The following ZNF784 variants were observed in gnomAD, a reference collection of about 807,000 sequenced individuals.
ZNF784 encodes zinc finger protein 784.
ZNF784 carries 5 observed loss-of-function variants against 3.3 expected under a neutral mutation model. The ratio of observed to expected loss-of-function variants is 1.53; its 90% CI spans 0.80 to 3.22. The LOEUF (loss-of-function observed/expected upper bound fraction) is 3.22, where lower values mean the gene tolerates loss of function less well. ZNF784 is among the 30% of genes most tolerant of loss of function. ZNF784 has a pLI of 0.00. For synonymous variants in ZNF784, 231 were observed against 219.6 expected (o/e 1.05, Z -0.46); for missense variants, 501 against 480.7 (o/e 1.04, Z -0.39).
rs1232861320 is a variant in ZNF784, at chr19:55,622,035, C to G, written c.688G>C (p.Gly230Arg). The G allele has an allele frequency of 1.3e-6, 2 of 1,592,142 alleles. No individual in the cohort carries two copies. The highest frequency in any genetic ancestry group is 1.1e-5 in the South Asian group (1 of 89,836). ...ACCGAGGACTGGGTGAAGCCCTTGC[C>G]GCAGATGCCGCAATGGTATGGCCGC... ...GERPYHCGIC[G>R]KGFTQSSVLS... The change falls in exon 2 of 2, where the codon GGC becomes CGC. Residue 230 changes from glycine to arginine, a missense_variant. By Grantham distance (125) the Gly-to-Arg change is moderately radical. Transcript: ENST00000325351. This position sits in a 1 kb window ranked among gnomAD's most constrained non-coding sequence, Gnocchi z 5.9.
rs757463501 is a variant in ZNF784 at position 55,622,183 on chromosome 19, C to A, written c.540G>T (p.Glu180Asp). The part of the protein sequence containing the change: ...QRPGVAPERA[E>D]VVMAAAAAGA... The stretch of plus-strand genomic sequence containing the variant: ...CCGCCGCCGCCGCCGCCATCACCAC[C>A]TCCGCCCTCTCCGGGGCCACCCCGG... Residue 180 changes from glutamate (E) to aspartate (D), a missense_variant, in exon 2 of 2, where the codon GAG becomes GAT. By Grantham distance (45) the Glu-to-Asp change is conservative. Coordinates refer to ENST00000325351, the MANE Select transcript of ZNF784 (RefSeq NM_203374.2). This position sits in a 1 kb window ranked among gnomAD's most constrained non-coding sequence, Gnocchi z 5.9. 16 of 1,533,732 alleles carry A rather than the reference C, an allele frequency of 1.0e-5. No homozygotes were observed. The East Asian group carries it at 3.9e-4, about 38-fold the overall frequency.
chr19:55,622,405 G>C lies in ZNF784; in HGVS notation c.318C>G (p.Cys106Trp). Residue 106 changes from cysteine (C) to tryptophan (W), a missense_variant, in exon 2 of 2, where the codon TGC becomes TGG. Cys to Trp is a radical substitution (Grantham distance 215, BLOSUM62 -2). Transcript: ENST00000325351. This position sits in a 1 kb window ranked among gnomAD's most constrained non-coding sequence, Gnocchi z 5.9. ...TGGCGGGGCCCGGGCAGCTGTGGCC[G>C]CACACGTGGCACCGGCTCGGGTCCC... The part of the protein sequence containing the change: ...QGGDPSRCHV[C>W]GHSCPGPASL... The C allele has an allele frequency of 6.4e-6, 10 of 1,569,546 alleles. No individual in the cohort carries two copies. Among genetic ancestry groups the C allele is most frequent in the Non-Finnish European group, 8.6e-6 (10 of 1,159,180 alleles).
In ZNF784 at chr19:55,622,379, C is replaced by G. The variant is rs1453093643; in HGVS notation, c.344G>C (p.Ser115Thr). 3.2e-6 allele frequency: 5 copies of G among 1,544,476 alleles called. No homozygotes were observed. Among genetic ancestry groups the G allele is most frequent in the Non-Finnish European group, 4.4e-6 (5 of 1,147,668 alleles). The change falls in exon 2 of 2, where the codon AGC becomes ACC. Residue 115 changes from serine to threonine, a missense_variant. Transcript: ENST00000325351. This position sits in a 1 kb window ranked among gnomAD's most constrained non-coding sequence, Gnocchi z 5.9. ...VCGHSCPGPA[S>T]LRAHYSLHTG... ...GTGCAAGCTGTAGTGCGCGCGCAGG[C>G]TGGCGGGGCCCGGGCAGCTGTGGCC...
At position 55,622,045 on chromosome 19, in the gene ZNF784, G is replaced by A. The variant is rs377036491; in HGVS notation, c.678C>T (p.Cys226=). ...RVHTGERPYH[C]GICGKGFTQS... is the part of the protein sequence containing the mutation. The stretch of plus-strand genomic sequence containing the variant: ...GGGTGAAGCCCTTGCCGCAGATGCC[G>A]CAATGGTATGGCCGCTCGCCAGTGT... The change falls in exon 2 of 2, where the codon TGC becomes TGT. Residue 226 remains cysteine, a synonymous_variant. Transcript: ENST00000325351. The surrounding 1 kb of genome is among the most constrained non-coding windows in gnomAD (Gnocchi z 5.9). 136 of 1,591,274 alleles carry A rather than the reference G, an allele frequency of 8.5e-5. No homozygotes were observed. Among genetic ancestry groups the A allele is most frequent in the South Asian group, 2.2e-4 (20 of 89,674 alleles).
In ZNF784 at chr19:55,621,589, C is replaced by T; in HGVS notation, c.*162G>A. 1.0e-6 allele frequency: 1 copy of T among 977,934 alleles called. No individual in the cohort carries two copies. The highest frequency in any genetic ancestry group is 1.6e-5 in the South Asian group (1 of 61,772). The allele number at this position is 977,934 out of a possible 1,614,324, so 60.6% of individuals were successfully genotyped here. On this transcript the variant is annotated 3_prime_UTR_variant, in exon 2 of 2. Coordinates refer to ENST00000325351, the MANE Select transcript of ZNF784 (RefSeq NM_203374.2). This position sits in a 1 kb window ranked among gnomAD's most constrained non-coding sequence, Gnocchi z 4.1. ...TGGGAGTCTGGAGCCTGGCCCTCTC[C>T]CTCTGCTCTCCATCACTAGCGGCTC...
intron 1 of ZNF784, among the ~76,000 whole-genome samples, chr19:55,624,150 C>G (rs1981660783): frequency 6.6e-6 from 1 of 152,104 alleles, no homozygotes; most frequent in Admixed American, 6.5e-5. Flanking sequence ...AGGCCCCGCC[C>G]CTTACAAGGC....
chr19:55,623,215 A>G (rs1468465285), intron 1 of ZNF784, among the ~76,000 whole-genome samples: 1 of 152,054 alleles, frequency 6.6e-6, no homozygotes, highest in Non-Finnish European at 1.5e-5. Context: ...ATTATTTTTA[A>G]TGTAGAGGGA....
chr19:55,622,248 G>A lies in ZNF784; in HGVS notation c.475C>T (p.Arg159Trp), dbSNP rs1291244149. Reference protein sequence around the residue: ...HRHGVEPGTSRRPPDTAAVAE... With the variant: ...HRHGVEPGTSWRPPDTAAVAE... ...ACGGCCGCTGTGTCCGGAGGCCTCC[G>A]AGAGGTGCCCGGCTCCACCCCGTGC... The change falls in exon 2 of 2, where the codon CGG (arginine) becomes TGG (tryptophan). Residue 159 changes from arginine to tryptophan, a missense_variant. Coordinates refer to ENST00000325351, the MANE Select transcript of ZNF784 (RefSeq NM_203374.2). This position sits in a 1 kb window ranked among gnomAD's most constrained non-coding sequence, Gnocchi z 5.9. 1 of 1,536,302 alleles carries A rather than the reference G, an allele frequency of 6.5e-7. No homozygotes were observed. The highest frequency in any genetic ancestry group is 1.4e-5 in the African/African-American group (1 of 73,108).
At position 55,622,751 on chromosome 19, in the gene ZNF784, C is replaced by A; in HGVS notation, c.79-107G>T. 2 of 1,081,814 alleles carry A rather than the reference C, an allele frequency of 1.8e-6. No homozygotes were observed. The highest frequency in any genetic ancestry group is 1.6e-5 in the African/African-American group (1 of 61,734). 67.0% of individuals were successfully genotyped at this position (1,081,814 alleles called of 1,614,324 possible). The stretch of plus-strand genomic sequence containing the variant: ...CTCCTCTGTTATTTTCAGACAGGGC[C>A]TCACTCTGTTGCCCTGGCGCGATCG... On this transcript the variant is annotated intron_variant, in intron 1 of 1. Transcript: ENST00000325351. The surrounding 1 kb of genome is among the most constrained non-coding windows in gnomAD (Gnocchi z 5.9).
intron 1 of ZNF784, 64 bp downstream of exon 1, chr19:55,624,420 G>GC (rs886159486): frequency 1.3e-5 from 5 of 384,798 alleles, no homozygotes; most frequent in African/African-American, 2.6e-5. Context: ...CCCCGGACCC[G>GC]CCCCCCACAC....
In ZNF784 at chr19:55,621,685, C is replaced by T. The variant is rs911154017; in HGVS notation, c.*66G>A. 3 of 1,558,470 alleles carry T rather than the reference C, an allele frequency of 1.9e-6. No individual in the cohort carries two copies. In the Admixed American group the frequency reaches 5.2e-5, roughly 27 times the overall value. On this transcript the variant is annotated 3_prime_UTR_variant, in exon 2 of 2. Coordinates refer to ENST00000325351, the MANE Select transcript of ZNF784 (RefSeq NM_203374.2). This position sits in a 1 kb window ranked among gnomAD's most constrained non-coding sequence, Gnocchi z 4.1. ...CTGTCCCCTGCCTCCGTTTCCCCAC[C>T]CCGTCCCCCTCCCCGGGTCGGCCTC...
Position 55,622,601 on chromosome 19 carries a change from T to G in ZNF784, c.122A>C (p.Asp41Ala). 1 of 1,594,318 alleles carries G rather than the reference T, an allele frequency of 6.3e-7. No homozygotes were observed. The highest frequency in any genetic ancestry group is 8.5e-7 in the Non-Finnish European group (1 of 1,170,044). Residue 41 changes from aspartate to alanine, a missense_variant, in exon 2 of 2, where the codon GAC becomes GCC. By Grantham distance (126) the Asp-to-Ala change is moderately radical. Transcript: ENST00000325351. The surrounding 1 kb of genome is among the most constrained non-coding windows in gnomAD (Gnocchi z 5.9). ...DDCRPGTPPSDLIEIQVVKVT... is the reference protein window; with the variant it reads ...DDCRPGTPPSALIEIQVVKVT... ...CTTCACCACCTGGATCTCGATGAGGTCACTCGGGGGTGTGCCAGGCCGGCA... is the reference window on the plus strand; with the variant it reads ...CTTCACCACCTGGATCTCGATGAGGGCACTCGGGGGTGTGCCAGGCCGGCA...
At chr19:55,623,429 C>A (rs1981638391) in intron 1 of ZNF784, among the ~76,000 whole-genome samples, 1 of 152,196 alleles carries the variant, frequency 6.6e-6, no homozygotes, top group East Asian at 1.9e-4. Flanking sequence ...CTAGTTAAAG[C>A]CCCATCACTT....
At position 55,621,735 on chromosome 19, in the gene ZNF784, G is replaced by A. The variant is rs929657211; in HGVS notation, c.*16C>T. On this transcript the variant is annotated 3_prime_UTR_variant, in exon 2 of 2. Coordinates refer to ENST00000325351, the MANE Select transcript of ZNF784 (RefSeq NM_203374.2). The surrounding 1 kb of genome is among the most constrained non-coding windows in gnomAD (Gnocchi z 4.1). ...CGTACCTCCGCCTTAACTAACCCAT[G>A]TCCCTGGTCTGCAGCCTACTGGTCG... 2.5e-6 allele frequency: 4 copies of A among 1,594,136 alleles called. No individual in the cohort carries two copies. Among genetic ancestry groups the A allele is most frequent in the Non-Finnish European group, 3.4e-6 (4 of 1,179,102 alleles).
chr19:55,621,553 G>A lies in ZNF784; in HGVS notation c.*198C>T. 1.4e-6 allele frequency: 1 copy of A among 713,692 alleles called. No homozygotes were observed. Among genetic ancestry groups the A allele is most frequent in the Non-Finnish European group, 2.3e-6 (1 of 438,226 alleles). The allele number at this position is 713,692 out of a possible 1,614,324, so 44.2% of individuals were successfully genotyped here. A position where few individuals can be genotyped will look rare whatever the true frequency, so the allele number is the denominator to read the frequency against. The stretch of plus-strand genomic sequence containing the variant: ...CTCTCCTAGGCCTGGCAGAGGTGCT[G>A]TGTGGGCGTGTGGGAGTCTGGAGCC... On this transcript the variant is annotated 3_prime_UTR_variant, in exon 2 of 2. Transcript: ENST00000325351. The surrounding 1 kb of genome is among the most constrained non-coding windows in gnomAD (Gnocchi z 4.1).
chr19:55,621,906 TG>T lies in ZNF784; in HGVS notation c.816del (p.Thr273ProfsTer31). ...CCCGGCCCCGGCCCGTGGAAGTGGG[TG>T]CGCTGGTGCTTGCGGAAGTTGGAGG... The part of the protein sequence containing the change: ...NNSSNFRKHQ[R>X]THFHGPGPGL... On this transcript the variant is annotated frameshift_variant, in exon 2 of 2. Coordinates refer to ENST00000325351, the MANE Select transcript of ZNF784 (RefSeq NM_203374.2). LOFTEE classifies it low-confidence loss of function (END_TRUNC). The surrounding 1 kb of genome is among the most constrained non-coding windows in gnomAD (Gnocchi z 4.1). 1 of 1,592,290 alleles carries T rather than the reference TG, an allele frequency of 6.3e-7. No individual in the cohort carries two copies. The highest frequency in any genetic ancestry group is 8.5e-7 in the Non-Finnish European group (1 of 1,175,808).
chr19:55,622,525 G>C lies in ZNF784; in HGVS notation c.198C>G (p.His66Gln). Reference protein sequence around the residue: ...VPEPPEPGSFHCALCPAAFRL... With the variant: ...VPEPPEPGSFQCALCPAAFRL... ...GGAAGGCAGCAGGGCACAAGGCACA[G>C]TGGAAAGAACCTGGCTCCGGGGGCT... The change falls in exon 2 of 2, where the codon CAC becomes CAG. Residue 66 changes from histidine (H) to glutamine (Q), a missense_variant. Physicochemically the swap from His to Gln is conservative, Grantham distance 24. Transcript: ENST00000325351. This position sits in a 1 kb window ranked among gnomAD's most constrained non-coding sequence, Gnocchi z 5.9. The C allele has an allele frequency of 6.2e-7, 1 of 1,612,608 alleles. No individual in the cohort carries two copies. Among genetic ancestry groups the C allele is most frequent in the South Asian group, 1.1e-5 (1 of 90,890 alleles).
Position 55,622,369 on chromosome 19 carries a change from C to A in ZNF784, c.354G>T (p.Ala118=), listed in dbSNP as rs757584830. 5 of 1,532,770 alleles carry A rather than the reference C, an allele frequency of 3.3e-6. No homozygotes were observed. The East Asian group carries it at 9.5e-5, about 29-fold the overall frequency. 94.9% of individuals were successfully genotyped at this position (1,532,770 alleles called of 1,614,324 possible). A position where few individuals can be genotyped will look rare whatever the true frequency, so the allele number is the denominator to read the frequency against. The part of the protein sequence containing the change: ...HSCPGPASLR[A]HYSLHTGERP... ...GCTCCCCCGTGTGCAAGCTGTAGTG[C>A]GCGCGCAGGCTGGCGGGGCCCGGGC... is the stretch of plus-strand genomic sequence containing the variant. Residue 118 remains alanine, a synonymous_variant, in exon 2 of 2, where the codon GCG becomes GCT. Transcript: ENST00000325351. This position sits in a 1 kb window ranked among gnomAD's most constrained non-coding sequence, Gnocchi z 5.9.
Position 55,622,156 on chromosome 19 carries a change from G to A in ZNF784, c.567C>T (p.Gly189=). The change falls in exon 2 of 2, where the codon GGC becomes GGT. Residue 189 remains glycine (G), a synonymous_variant. Coordinates refer to ENST00000325351, the MANE Select transcript of ZNF784 (RefSeq NM_203374.2). The surrounding 1 kb of genome is among the most constrained non-coding windows in gnomAD (Gnocchi z 5.9). ...AEVVMAAAAA[G]AAVGKPFACR... The stretch of plus-strand genomic sequence containing the variant: ...AGGCAAAAGGCTTCCCCACCGCTGC[G>A]CCCGCCGCCGCCGCCGCCATCACCA... The A allele has an allele frequency of 6.5e-7, 1 of 1,533,484 alleles. No individual in the cohort carries two copies. The allele number at this position is 1,533,484 out of a possible 1,614,324, so 95.0% of individuals were successfully genotyped here.
Sources: allele counts gnomAD v4.1 joint callset (sites outside exome capture counted in the v4.1 genomes callset), GRCh38; gene constraint gnomAD v4.1.1; non-coding constraint Gnocchi (gnomAD v3.1); transcripts MANE v1.5; gene names NCBI Gene and HGNC (gene_info 2026-07-23, HGNC 2026-07-21).